PALMD: variants seen among roughly 807,000 people sequenced by gnomAD.
PALMD encodes palmdelphin, also known as paralemmin-like protein.
Under a neutral mutation model 56.2 loss-of-function variants are expected in PALMD, and 42 were observed. That is an observed-to-expected ratio of 0.75 (90% CI 0.58 to 0.97). PALMD has a LOEUF of 0.97. Among genes scored for constraint, PALMD ranks in the 50% least tolerant of loss-of-function variants. The pLI is 0.00. For synonymous variants in PALMD, 242 were observed against 222.9 expected (o/e 1.09, Z -0.76); for missense variants, 660 against 643.8 (o/e 1.03, Z -0.27).
chr1:99,684,756 A>G (rs1347876525), intron 3 of PALMD: 2 of 152,396 alleles, frequency 1.3e-5, no homozygotes, highest in African/African-American at 2.4e-5. Flanking sequence ...GGCTCAAGCA[A>G]TCTTCCTGCC....
At chr1:99,664,530 T>C (rs1045839164) in intron 2 of PALMD, among the ~76,000 whole-genome samples, 1 of 152,168 alleles carries the variant, frequency 6.6e-6, no homozygotes, top group Non-Finnish European at 1.5e-5. Flanking sequence ...TGATAAACAC[T>C]GTATGGGAGG....
chr1:99,683,023 A>G (rs141819940), intron 3 of PALMD, among the ~76,000 whole-genome samples: 2,748 of 15,006 alleles, frequency 0.18, 114 homozygotes, highest in East Asian at 0.47. Context: ...AAAGAAGGAA[A>G]GAAAGAAAGA....
At chr1:99,671,276 C>T (rs75847187) in intron 3 of PALMD, among the ~76,000 whole-genome samples, 1,629 of 152,290 alleles carry the variant, frequency 0.011, 31 homozygotes, top group African/African-American at 0.037. Flanking sequence ...CCTTTCTTTC[C>T]TTCTACTTCT....
intron 2 of PALMD, among the ~76,000 whole-genome samples, chr1:99,665,938 A>G (rs1452876579): frequency 6.6e-6 from 1 of 152,194 alleles, no homozygotes; most frequent in Non-Finnish European, 1.5e-5. Flanking sequence ...GCTATAATAA[A>G]TGGTTAAGAT....
In PALMD at chr1:99,691,120, G is replaced by A. The variant is rs111346997; in HGVS notation, c.1612+1248G>A. Among the ~76,000 whole-genome samples the A allele has an allele frequency of 6.6e-5, 10 of 152,268 alleles. 1 individual carries two copies. The highest frequency in any genetic ancestry group is 2.2e-4 in the African/African-American group (9 of 41,558). Reference sequence around the variant, plus strand: ...ATATGTCTCACAATGGAAAGTTGCAGATACTAAGTTTCTTTCCATCTTAAG... The same window carrying A: ...ATATGTCTCACAATGGAAAGTTGCAAATACTAAGTTTCTTTCCATCTTAAG... On this transcript the variant is annotated intron_variant, in intron 7 of 7. Coordinates refer to ENST00000263174, the MANE Select transcript of PALMD (RefSeq NM_017734.5).
At chr1:99,677,881 C>T (rs956279253) in intron 3 of PALMD, among the ~76,000 whole-genome samples, 2 of 152,180 alleles carry the variant, frequency 1.3e-5, no homozygotes, top group African/African-American at 4.8e-5. Context: ...CATCCTCATA[C>T]ATATTATTAC....
At chr1:99,692,943 T>G (rs1653693783) in intron 7 of PALMD, among the ~76,000 whole-genome samples, 1 of 152,226 alleles carries the variant, frequency 6.6e-6, no homozygotes, top group Non-Finnish European at 1.5e-5. Flanking sequence ...TGTTAAAGTT[T>G]CAAGGGAAAT....
Position 99,646,233 on chromosome 1 carries a change from A to T in PALMD, c.-85A>T. The T allele has an allele frequency of 9.7e-7, 1 of 1,034,932 alleles. No homozygotes were observed. Among genetic ancestry groups the T allele is most frequent in the South Asian group, 1.3e-5 (1 of 78,258 alleles). The allele number at this position is 1,034,932 out of a possible 1,614,324, so 64.1% of individuals were successfully genotyped here. A position where few individuals can be genotyped will look rare whatever the true frequency, so the allele number is the denominator to read the frequency against. Reference sequence around the variant, plus strand: ...GATTTCTCCCTGCTTCTCTTCTGTCACCCCCGCTCCTCTCCCCCAGGAGGC... The same window carrying T: ...GATTTCTCCCTGCTTCTCTTCTGTCTCCCCCGCTCCTCTCCCCCAGGAGGC... On this transcript the variant is annotated 5_prime_UTR_variant, in exon 1 of 8. Coordinates refer to ENST00000263174, the MANE Select transcript of PALMD (RefSeq NM_017734.5).
At position 99,648,512 on chromosome 1, in the gene PALMD, G is replaced by A. The variant is rs560200441; in HGVS notation, c.45+2150G>A. Among the ~76,000 whole-genome samples, 5 of 152,130 alleles carry A rather than the reference G, an allele frequency of 3.3e-5. No homozygotes were observed. The East Asian group carries it at 9.7e-4, about 29-fold the overall frequency. ...CTTAAGCCTCAGAATCTCCAACCTA[G>A]ACTAAAACTCAGAGAGTATCTTCTC... is the stretch of plus-strand genomic sequence containing the variant. On this transcript the variant is annotated intron_variant, in intron 1 of 7. Coordinates refer to ENST00000263174, the MANE Select transcript of PALMD (RefSeq NM_017734.5).
chr1:99,656,356 G>C (rs1330600363), intron 1 of PALMD, among the ~76,000 whole-genome samples: 1 of 150,524 alleles, frequency 6.6e-6, no homozygotes, highest in East Asian at 2.0e-4. Context: ...TAAGAACACT[G>C]TTAGCACGTC....
chr1:99,679,423 T>G (rs974895724), intron 3 of PALMD, among the ~76,000 whole-genome samples: 1 of 151,902 alleles, frequency 6.6e-6, no homozygotes, highest in African/African-American at 2.4e-5. Flanking sequence ...TTCTAAGAAC[T>G]CCTACCAGAA....
chr1:99,691,665 C>T (rs1200560299), intron 7 of PALMD, among the ~76,000 whole-genome samples: 1 of 152,108 alleles, frequency 6.6e-6, no homozygotes, highest in Non-Finnish European at 1.5e-5. Flanking sequence ...ACAAAGAATA[C>T]ATAACCACCT....
chr1:99,662,396 G>C lies in PALMD; in HGVS notation c.123G>C (p.Leu41Phe), dbSNP rs751789331. 1 of 1,507,704 alleles carries C rather than the reference G, an allele frequency of 6.6e-7. No homozygotes were observed. Among genetic ancestry groups the C allele is most frequent in the African/African-American group, 1.4e-5 (1 of 72,142 alleles). 93.4% of individuals were successfully genotyped at this position (1,507,704 alleles called of 1,614,324 possible). A position where few individuals can be genotyped will look rare whatever the true frequency, so the allele number is the denominator to read the frequency against. The change falls in exon 2 of 8, where the codon TTG becomes TTC. Residue 41 changes from leucine (L) to phenylalanine (F), a missense_variant. Physicochemically the swap from Leu to Phe is conservative, Grantham distance 22. Coordinates refer to ENST00000263174, the MANE Select transcript of PALMD (RefSeq NM_017734.5). ...IEEDKLKHQHLKKKALREKWL... is the reference protein window; with the variant it reads ...IEEDKLKHQHFKKKALREKWL... ...AAGACAAACTAAAGCACCAGCATTT[G>C]AAGGTAATTTATGGCTTTAATTTCA...
chr1:99,658,644 G>A (rs574681842), intron 1 of PALMD, among the ~76,000 whole-genome samples: 9 of 152,068 alleles, frequency 5.9e-5, no homozygotes, highest in South Asian at 2.1e-4. Context: ...GGTGGCGGGC[G>A]CCTGTAGTCC....
chr1:99,671,150 C>T (rs1295478094), intron 3 of PALMD, among the ~76,000 whole-genome samples: 1 of 152,190 alleles, frequency 6.6e-6, no homozygotes, highest in Admixed American at 6.6e-5. Flanking sequence ...TCGAGGGTGA[C>T]ATTTGCCACT....
intron 3 of PALMD, among the ~76,000 whole-genome samples, chr1:99,671,092 A>G (rs1653075853): frequency 6.6e-6 from 1 of 152,194 alleles, no homozygotes; most frequent in Non-Finnish European, 1.5e-5. Context: ...AAGCAGGGAA[A>G]GTAACTCAAA....
intron 6 of PALMD, among the ~76,000 whole-genome samples, chr1:99,687,481 C>T (rs1653529772): frequency 6.6e-6 from 1 of 152,138 alleles, no homozygotes; most frequent in Non-Finnish European, 1.5e-5. Context: ...AATATTTCTC[C>T]TGACATATTC....
At chr1:99,687,027 C>A in intron 5 of PALMD, 49 bp from the exon 6 acceptor site, 1 of 1,510,586 alleles carries the variant, frequency 6.6e-7, no homozygotes, top group East Asian at 2.3e-5. Flanking sequence ...AAATTGTTCC[C>A]ATTGTAAATA....
chr1:99,674,178 C>T (rs2100866090), intron 3 of PALMD, among the ~76,000 whole-genome samples: 1 of 152,192 alleles, frequency 6.6e-6, no homozygotes, highest in East Asian at 1.9e-4. Flanking sequence ...TTATCCCGAC[C>T]TTTCAGCATT....
Sources: allele counts gnomAD v4.1 joint callset (sites outside exome capture counted in the v4.1 genomes callset), GRCh38; gene constraint gnomAD v4.1.1; transcripts MANE v1.5; gene names NCBI Gene and HGNC (gene_info 2026-07-23, HGNC 2026-07-21).